Variants in FAM13A observed in about 807,000 individuals in gnomAD.
The protein encoded by FAM13A is protein FAM13A.
A neutral mutation model predicts 129.6 loss-of-function variants in FAM13A; 76 were observed. That is an observed-to-expected ratio of 0.59 (90% CI 0.49 to 0.71). FAM13A has a LOEUF of 0.71. FAM13A is among the 30% of genes least tolerant of loss of function. The probability of loss-of-function intolerance (pLI) is 0.00; values close to 1 mark genes in which losing one functional copy is unlikely to be tolerated. For synonymous variants in FAM13A, 443 were observed against 449.9 expected, an observed-to-expected ratio of 0.98 and a Z score of 0.20; for missense variants, 1,108 against 1,249.3, an observed-to-expected ratio of 0.89 and a Z score of 1.70.
At chr4:89,021,174 A>G (rs769191935) in intron 2 of FAM13A, among the ~76,000 whole-genome samples, 5 of 152,238 alleles carry the variant, frequency 3.3e-5, no homozygotes, top group Non-Finnish European at 5.9e-5. Flanking sequence ...ACAAAGTGGT[A>G]TAAGACAAGA....
intron 6 of FAM13A, among the ~76,000 whole-genome samples, chr4:88,891,757 T>C (rs1252206409): frequency 6.6e-6 from 1 of 152,212 alleles, no homozygotes; most frequent in Non-Finnish European, 1.5e-5. Context: ...ATTTAACTCA[T>C]TTAAGACAAA....
chr4:88,783,159 A>T (rs552901544), intron 10 of FAM13A, among the ~76,000 whole-genome samples: 1 of 152,146 alleles, frequency 6.6e-6, no homozygotes, highest in East Asian at 1.9e-4. Context: ...AGATATTTTT[A>T]ATGTATAATT....
intron 3 of FAM13A, among the ~76,000 whole-genome samples, chr4:89,015,539 T>A (rs1278707662): frequency 1.3e-5 from 2 of 152,220 alleles, no homozygotes. Flanking sequence ...CGGGGGCGGG[T>A]TACCCCGATA....
chr4:88,940,089 A>C (rs957831375), intron 4 of FAM13A, among the ~76,000 whole-genome samples: 3 of 152,200 alleles, frequency 2.0e-5, no homozygotes, highest in Non-Finnish European at 4.4e-5. Context: ...AATGTGTGGT[A>C]ATTTGTTACA....
At chr4:88,870,637 C>T (rs1741213114) in intron 6 of FAM13A, among the ~76,000 whole-genome samples, 1 of 152,192 alleles carries the variant, frequency 6.6e-6, no homozygotes. Flanking sequence ...CCAGGAAGCT[C>T]GAACTGGTTG....
intron 19 of FAM13A, among the ~76,000 whole-genome samples, chr4:88,745,925 A>G (rs769596997): frequency 5.9e-5 from 9 of 151,746 alleles, no homozygotes; most frequent in Non-Finnish European, 1.2e-4. Context: ...TTCTACAGAT[A>G]GTTATTGGGC....
chr4:89,037,487 T>C (rs1169633498), intron 1 of FAM13A, among the ~76,000 whole-genome samples: 1 of 152,166 alleles, frequency 6.6e-6, no homozygotes, highest in East Asian at 1.9e-4. Flanking sequence ...AACAACTTGG[T>C]TTTGATTTTA....
At chr4:89,031,107 A>AT (rs1385368153) in intron 1 of FAM13A, among the ~76,000 whole-genome samples, 1 of 152,162 alleles carries the variant, frequency 6.6e-6, no homozygotes, top group East Asian at 1.9e-4. Context: ...TACCAAGGAA[A>AT]TTATGATTTT....
intron 1 of FAM13A, among the ~76,000 whole-genome samples, chr4:89,034,199 A>G (rs1048198224): frequency 2.6e-5 from 4 of 152,216 alleles, no homozygotes; most frequent in African/African-American, 9.6e-5. Context: ...AAGGACTAAT[A>G]TCTAGAATCT....
At chr4:88,951,328 AT>A (rs1756916419) in intron 4 of FAM13A, among the ~76,000 whole-genome samples, 1 of 152,196 alleles carries the variant, frequency 6.6e-6, no homozygotes, top group South Asian at 2.1e-4. Context: ...GATGAGTTCT[AT>A]GAACTCTGGC....
intron 7 of FAM13A, among the ~76,000 whole-genome samples, chr4:88,819,517 T>A (rs1432098507): frequency 6.6e-6 from 1 of 151,968 alleles, no homozygotes; most frequent in Non-Finnish European, 1.5e-5. Context: ...CTTACCTACA[T>A]CCCCACAATA....
intron 7 of FAM13A, among the ~76,000 whole-genome samples, chr4:88,816,355 T>G (rs765110556): frequency 2.0e-5 from 3 of 152,204 alleles, no homozygotes; most frequent in African/African-American, 4.8e-5. Context: ...TTGCAATTTT[T>G]TAGTATAAGA....
chr4:88,907,741 C>G (rs2150237857), intron 5 of FAM13A, among the ~76,000 whole-genome samples: 1 of 152,266 alleles, frequency 6.6e-6, no homozygotes. Context: ...AACATTAGGG[C>G]CTGAGCTCTT....
At chr4:89,000,116 G>A (rs1184355217) in intron 3 of FAM13A, among the ~76,000 whole-genome samples, 1 of 152,004 alleles carries the variant, frequency 6.6e-6, no homozygotes, top group Non-Finnish European at 1.5e-5. Context: ...TCCTCTTCAA[G>A]CCTATAATCT....
Position 89,054,298 on chromosome 4 carries a change from GAC to G in FAM13A, c.27+2638_27+2639del, listed in dbSNP as rs57198448. Among the ~76,000 whole-genome samples, 604 of 149,898 alleles carry G rather than the reference GAC, an allele frequency of 4.0e-3. 3 individuals carry two copies. Among genetic ancestry groups the G allele is most frequent in the African/African-American group, 0.013 (547 of 40,962 alleles). ...ATACAGACACACAAAGATACACACA[GAC>G]ACACACACACACACACACGTACGTA... On this transcript the variant is annotated intron_variant, in intron 1 of 23. Transcript: ENST00000264344.
In FAM13A at chr4:88,860,740, G is replaced by A. The variant is rs575971188; in HGVS notation, c.844-9557C>T. 4.6e-5 allele frequency among the ~76,000 whole-genome samples: 7 copies of A among 152,288 alleles called. No individual in the cohort carries two copies. In the South Asian group the frequency reaches 8.3e-4, roughly 18 times the overall value. On this transcript the variant is annotated intron_variant, in intron 6 of 23. Coordinates refer to ENST00000264344, the MANE Select transcript of FAM13A (RefSeq NM_014883.4). ...TTAATGTAGGCCCTACTATAAACAA[G>A]GGAAGCTGATGGAATGTTTTGCACT... is the stretch of plus-strand genomic sequence containing the variant.
intron 7 of FAM13A, among the ~76,000 whole-genome samples, chr4:88,831,367 A>T (rs1185173315): frequency 6.6e-6 from 1 of 152,230 alleles, no homozygotes; most frequent in Admixed American, 6.5e-5. Context: ...CTGACAGCGG[A>T]GAAGCAGGCT....
In FAM13A at chr4:88,790,646, G is replaced by A. The variant is rs530356661; in HGVS notation, c.1050-19C>T. On this transcript the variant is annotated intron_variant, in intron 8 of 23. Transcript: ENST00000264344. The stretch of plus-strand genomic sequence containing the variant: ...ATGAGCACTGCAGAAAAGAAGCAAA[G>A]AGAAAGTCAGGTTAGATGAAAGATC... 20 of 1,608,052 alleles carry A rather than the reference G, an allele frequency of 1.2e-5. No individual in the cohort carries two copies. In the South Asian group the frequency reaches 1.7e-4, roughly 13 times the overall value.
At chr4:88,926,166 C>A (rs1197861794) in intron 5 of FAM13A, among the ~76,000 whole-genome samples, 1 of 151,976 alleles carries the variant, frequency 6.6e-6, no homozygotes. Context: ...TAATTCCAAT[C>A]GAGGAGTAAA....
Sources: gnomAD v4.1 joint callset for allele counts (sites outside exome capture counted in the v4.1 genomes callset) on GRCh38, gnomAD v4.1.1 for gene constraint, MANE v1.5 for transcripts, NCBI Gene and HGNC (gene_info 2026-07-23, HGNC 2026-07-21) for gene names.